The following RTTN variants were observed in gnomAD, a reference collection of about 807,000 sequenced individuals.
The protein encoded by RTTN is rotatin.
In RTTN, 182 loss-of-function variants were observed where a neutral mutation model predicts 269.2. That is an observed-to-expected ratio of 0.68 (90% CI 0.60 to 0.76). RTTN has a LOEUF of 0.76. Among genes scored for constraint, RTTN ranks in the 30% least tolerant of loss-of-function variants. The pLI, the probability that RTTN is intolerant of heterozygous loss-of-function variation, is 0.00. For synonymous variants in RTTN, 1,006 were observed against 963.5 expected (o/e 1.04, Z -0.82); for missense variants, 2,545 against 2,608.6 (o/e 0.98, Z 0.53).
chr18:70,166,132 A>G lies in RTTN; in HGVS notation c.1859T>C (p.Leu620Pro). The part of the protein sequence containing the change: ...LLQGESQKVL[L>P]HMLSHPLPRV... ...TGGCAATGGGTGAGACAACATATGG[A>G]GAAGCACCTTCTGACTTTCTCCTTG... is the stretch of plus-strand genomic sequence containing the variant. Residue 620 changes from leucine to proline, a missense_variant, in exon 14 of 49, where the codon CTC becomes CCC. Physicochemically the swap from Leu to Pro is moderately conservative, Grantham distance 98. Coordinates refer to ENST00000640769, the MANE Select transcript of RTTN (RefSeq NM_173630.4). 6.2e-7 allele frequency: 1 copy of G among 1,613,804 alleles called. No individual in the cohort carries two copies. Among genetic ancestry groups the G allele is most frequent in the Non-Finnish European group, 8.5e-7 (1 of 1,179,744 alleles).
intron 22 of RTTN, 75 bp downstream of exon 22, chr18:70,135,109 C>G (rs550467492): frequency 1.2e-6 from 1 of 810,776 alleles, no homozygotes; most frequent in Non-Finnish European, 2.0e-6. Flanking sequence ...AATTTCCATG[C>G]CTTGCTATAA....
rs761786675 is a variant in RTTN at position 70,030,984 on chromosome 18, G to A, written c.5542-3C>T. 5 of 1,596,456 alleles carry A rather than the reference G, an allele frequency of 3.1e-6. No individual in the cohort carries two copies. In the East Asian group the frequency reaches 6.7e-5, roughly 21 times the overall value. On this transcript the variant is annotated splice_region_variant and splice_polypyrimidine_tract_variant and intron_variant, in intron 40 of 48. Transcript: ENST00000640769. ...TTGGAGGATTTCCCTTCATAGCACTGCAGAGAATATAAATCAAACTGCCTT... is the reference window on the plus strand; with the variant it reads ...TTGGAGGATTTCCCTTCATAGCACTACAGAGAATATAAATCAAACTGCCTT...
chr18:70,166,983 G>T lies in RTTN; in HGVS notation c.1738C>A (p.Arg580Ser). Residue 580 changes from arginine (R) to serine (S), a missense_variant, in exon 13 of 49, where the codon CGT becomes AGT. Coordinates refer to ENST00000640769, the MANE Select transcript of RTTN (RefSeq NM_173630.4). The part of the protein sequence containing the change: ...ELVELADQAL[R>S]SFSYHQHFPL... The stretch of plus-strand genomic sequence containing the variant: ...AAATGCTGATGATAGGAAAAGCTAC[G>T]CAAGGCTTGGTCTGCCAGCTCCACT... 1.2e-6 allele frequency: 2 copies of T among 1,613,742 alleles called. No homozygotes were observed. Among genetic ancestry groups the T allele is most frequent in the African/African-American group, 2.7e-5 (2 of 75,044 alleles).
intron 35 of RTTN, 46 bp from the exon 36 acceptor site, chr18:70,060,088 A>G (rs1033219860): frequency 3.5e-6 from 5 of 1,434,744 alleles, no homozygotes; most frequent in Non-Finnish European, 3.8e-6. Flanking sequence ...CCTTACAGCT[A>G]TGTACAATAC....
rs768180843 is a variant in RTTN, at chr18:70,088,574, A to G, written c.4144-427T>C. Among the ~76,000 whole-genome samples the G allele has an allele frequency of 3.4e-4, 52 of 152,192 alleles. 1 individual carries two copies. Among genetic ancestry groups the G allele is most frequent in the Non-Finnish European group, 6.5e-4 (44 of 68,006 alleles). On this transcript the variant is annotated intron_variant, in intron 30 of 48. Coordinates refer to ENST00000640769, the MANE Select transcript of RTTN (RefSeq NM_173630.4). ...CTTAAAACTTCTAAACAAAGAGGCA[A>G]TTATCATTTTACAAGGCATTTCGTA...
chr18:70,046,754 T>C (rs900885356), intron 40 of RTTN, among the ~76,000 whole-genome samples: 2 of 152,174 alleles, frequency 1.3e-5, no homozygotes, highest in African/African-American at 4.8e-5. Flanking sequence ...CCTAGAGCTC[T>C]ATCCAGGCTT....
intron 11 of RTTN, among the ~76,000 whole-genome samples, chr18:70,169,583 G>A (rs932295219): frequency 1.7e-4 from 26 of 151,994 alleles, no homozygotes; most frequent in African/African-American, 6.0e-4. Flanking sequence ...TTTTTCTTTG[G>A]TTTTGTCTTT....
At chr18:70,115,116 C>A (rs1599623954) in intron 26 of RTTN, among the ~76,000 whole-genome samples, 1 of 152,024 alleles carries the variant, frequency 6.6e-6, no homozygotes, top group South Asian at 2.1e-4. Flanking sequence ...CTGCAACACA[C>A]AGTGTACTCA....
chr18:70,051,502 A>C lies in RTTN; in HGVS notation c.5232T>G (p.Phe1744Leu). Residue 1744 changes from phenylalanine (F) to leucine (L), a missense_variant, in exon 39 of 49, where the codon TTT becomes TTG. Transcript: ENST00000640769. ...TCCTCAGGAGCATGGCCAGAAGATT[A>C]AATAAATGTGTCCATGTGTGATAAA... is the stretch of plus-strand genomic sequence containing the variant. Reference protein sequence around the residue: ...SAFYHTWTHLFNLLAMLLRKA... With the variant: ...SAFYHTWTHLLNLLAMLLRKA... 1.9e-6 allele frequency: 3 copies of C among 1,612,112 alleles called. No individual in the cohort carries two copies. The highest frequency in any genetic ancestry group is 1.7e-6 in the Non-Finnish European group (2 of 1,178,204).
intron 11 of RTTN, 108 bp downstream of exon 11, chr18:70,176,567 C>A: frequency 1.0e-6 from 1 of 971,228 alleles, no homozygotes. Context: ...TTGAAAATGG[C>A]CTAAAGCACA....
At chr18:70,115,202 G>T (rs963162623) in intron 26 of RTTN, among the ~76,000 whole-genome samples, 1 of 151,792 alleles carries the variant, frequency 6.6e-6, no homozygotes, top group African/African-American at 2.4e-5. Flanking sequence ...TTAATTTTTT[G>T]ATATATATTG....
At chr18:70,202,414 C>T (rs887014571) in intron 3 of RTTN, among the ~76,000 whole-genome samples, 2 of 152,194 alleles carry the variant, frequency 1.3e-5, no homozygotes, top group East Asian at 1.9e-4. Context: ...CTTTACAATT[C>T]CCTATAACAT....
chr18:70,020,878 A>C, intron 44 of RTTN, 61 bp from the exon 45 acceptor site: 2 of 1,386,292 alleles, frequency 1.4e-6, no homozygotes, highest in South Asian at 2.5e-5. Flanking sequence ...TTTTGAAGAC[A>C]CTAAGTGGCA....
At chr18:70,132,868 G>A (rs953175365) in intron 23 of RTTN, among the ~76,000 whole-genome samples, 5 of 152,106 alleles carry the variant, frequency 3.3e-5, no homozygotes, top group African/African-American at 7.2e-5. Context: ...GAGTAAAAGA[G>A]TAATAAAACC....
At chr18:70,014,392 G>A (rs2056479986) in intron 46 of RTTN, among the ~76,000 whole-genome samples, 1 of 152,142 alleles carries the variant, frequency 6.6e-6, no homozygotes, top group East Asian at 1.9e-4. Context: ...CAGATAAGCT[G>A]GTATTTTTAT....
Position 70,017,460 on chromosome 18 carries a change from A to G in RTTN, c.6368T>C (p.Ile2123Thr). 5 of 1,614,054 alleles carry G rather than the reference A, an allele frequency of 3.1e-6. No individual in the cohort carries two copies. The highest frequency in any genetic ancestry group is 4.2e-6 in the Non-Finnish European group (5 of 1,179,960). Residue 2123 changes from isoleucine (I) to threonine (T), a missense_variant, in exon 46 of 49, where the codon ATC (isoleucine) becomes ACC (threonine). Coordinates refer to ENST00000640769, the MANE Select transcript of RTTN (RefSeq NM_173630.4). ...HKSSPLLPLL[I>T]FHNVCFSPAN... ...AGGACTGAAGCAAACATTATGAAAG[A>G]TAAGAAGAGGCAATAAAGGGCTGCT...
chr18:70,005,594 C>T (rs1482031073), intron 47 of RTTN: 1 of 209,334 alleles, frequency 4.8e-6, no homozygotes, highest in Non-Finnish European at 9.4e-6. Context: ...CTCCCTCAAA[C>T]CTCAGATTTC....
At chr18:70,134,428 A>T in intron 23 of RTTN, 45 bp downstream of exon 23, 1 of 1,351,600 alleles carries the variant, frequency 7.4e-7, no homozygotes, top group Non-Finnish European at 1.0e-6. Context: ...CCTTTCTGTA[A>T]CAACATTTCG....
At chr18:70,181,069 C>T (rs2061412116) in intron 10 of RTTN, among the ~76,000 whole-genome samples, 1 of 152,182 alleles carries the variant, frequency 6.6e-6, no homozygotes, top group South Asian at 2.1e-4. Flanking sequence ...TCCAAATATC[C>T]TTAATGAGCC....
Sources: allele counts gnomAD v4.1 joint callset (sites outside exome capture counted in the v4.1 genomes callset), GRCh38; gene constraint gnomAD v4.1.1; transcripts MANE v1.5; gene names NCBI Gene and HGNC (gene_info 2026-07-23, HGNC 2026-07-21).